Variants in LOXHD1 observed in about 807,000 individuals in gnomAD.
LOXHD1 encodes lipoxygenase homology domain-containing protein 1.
LOXHD1 carries 205 observed loss-of-function variants against 248.2 expected under a neutral mutation model. The observed-to-expected ratio is 0.83, with a 90% CI of 0.74 to 0.93. LOXHD1 has a LOEUF of 0.93. Ranked by LOEUF, LOXHD1 falls within the 40% of genes least tolerant of loss-of-function variation. The pLI is 0.00. For missense variants in LOXHD1, 2,930 were observed against 2,971.6 expected, an observed-to-expected ratio of 0.99 and a Z score of 0.33; for synonymous variants, 1,113 against 1,162.8, an observed-to-expected ratio of 0.96 and a Z score of 0.87.
At chr18:46,565,189 G>A (rs552237317) in intron 17 of LOXHD1, among the ~76,000 whole-genome samples, 17 of 152,032 alleles carry the variant, frequency 1.1e-4, no homozygotes, top group Admixed American at 2.0e-4. Context: ...GCTTGAACCC[G>A]GGAGGAGGTT....
At chr18:46,560,048 T>TGCCGACC in intron 19 of LOXHD1, 35 bp downstream of exon 19, 2 of 1,226,298 alleles carry the variant, frequency 1.6e-6, no homozygotes, top group Non-Finnish European at 2.3e-6. Context: ...GTCTGGCCAC[T>TGCCGACC]CCCTCCCCAC....
intron 1 of LOXHD1, among the ~76,000 whole-genome samples, chr18:46,653,930 G>A (rs2144410461): frequency 6.6e-6 from 1 of 152,332 alleles, no homozygotes; most frequent in East Asian, 1.9e-4. Context: ...ACAGTTGCAT[G>A]AAAAGATAGG....
chr18:46,581,616 G>A (rs1212503420), intron 12 of LOXHD1, among the ~76,000 whole-genome samples: 1 of 151,982 alleles, frequency 6.6e-6, no homozygotes, highest in Non-Finnish European at 1.5e-5. Context: ...ATATAGACAA[G>A]GACTGAAAGA....
rs1224789132 is a variant in LOXHD1 at position 46,529,358 on chromosome 18, A to T, written c.4376-27T>A. On this transcript the variant is annotated intron_variant, in intron 28 of 40. Coordinates refer to ENST00000642948, the MANE Select transcript of LOXHD1 (RefSeq NM_001384474.1). ...TGGGCAGGTGGTGGGACAGACAGACAGACAAAGGGAAGAAAAGGGTGACAG... is the reference window on the plus strand; with the variant it reads ...TGGGCAGGTGGTGGGACAGACAGACTGACAAAGGGAAGAAAAGGGTGACAG... The T allele has an allele frequency of 2.6e-6, 4 of 1,515,740 alleles. No homozygotes were observed. In the African/African-American group the frequency reaches 5.5e-5, roughly 21 times the overall value. The allele number at this position is 1,515,740 out of a possible 1,614,324, so 93.9% of individuals were successfully genotyped here.
intron 31 of LOXHD1, among the ~76,000 whole-genome samples, chr18:46,522,779 G>T (rs1243789035): frequency 6.6e-6 from 1 of 152,172 alleles, no homozygotes; most frequent in Non-Finnish European, 1.5e-5. Context: ...GTGAATGAAA[G>T]TCCTAGAAGA....
At chr18:46,515,692 T>G (rs1159216892) in intron 34 of LOXHD1, among the ~76,000 whole-genome samples, 3 of 152,170 alleles carry the variant, frequency 2.0e-5, no homozygotes, top group Admixed American at 6.5e-5. Flanking sequence ...GGGTAGAGAT[T>G]AGAGTCACAG....
rs370538111 is a variant in LOXHD1 at position 46,522,137 on chromosome 18, G to A, written c.5049C>T (p.Val1683=). The A allele has an allele frequency of 4.4e-5, 68 of 1,551,238 alleles. No individual in the cohort carries two copies. The African/African-American group carries it at 5.3e-4, about 12-fold the overall frequency. ...TGATGATGCCCACATCCAAGCCTGC[G>A]ACGTAGAACTCCTCCACAGAGCCAC... The part of the protein sequence containing the change: ...FSRGSVEEFY[V]AGLDVGIIKK... The change falls in exon 32 of 41, where the codon GTC becomes GTT. Residue 1683 remains valine (V), a synonymous_variant. Transcript: ENST00000642948.
At chr18:46,645,854 T>A (rs1188147258) in intron 2 of LOXHD1, among the ~76,000 whole-genome samples, 3 of 150,984 alleles carry the variant, frequency 2.0e-5, no homozygotes, top group African/African-American at 7.3e-5. Flanking sequence ...ATGACAAGAA[T>A]TGAGGGGTGA....
intron 5 of LOXHD1, among the ~76,000 whole-genome samples, chr18:46,613,764 T>C (rs1451650728): frequency 6.6e-6 from 1 of 152,194 alleles, no homozygotes; most frequent in Non-Finnish European, 1.5e-5. Flanking sequence ...AAGTAAATAA[T>C]GCAAATTTTC....
At chr18:46,617,754 G>T (rs1234882194) in intron 5 of LOXHD1, among the ~76,000 whole-genome samples, 1 of 152,138 alleles carries the variant, frequency 6.6e-6, no homozygotes, top group East Asian at 1.9e-4. Flanking sequence ...TTCCCTGTGA[G>T]GCCAAGTCAA....
chr18:46,523,290 T>C (rs778544440), intron 31 of LOXHD1, among the ~76,000 whole-genome samples: 1 of 152,164 alleles, frequency 6.6e-6, no homozygotes, highest in Non-Finnish European at 1.5e-5. Context: ...GGAGGAGTAC[T>C]CTTTTTTTCC....
In LOXHD1 at chr18:46,624,827, C is replaced by T. The variant is rs2038718355; in HGVS notation, c.512-6537G>A. Among the ~76,000 whole-genome samples the T allele has an allele frequency of 3.9e-5, 6 of 152,120 alleles. 2 individuals are homozygous for T. In the South Asian group the frequency reaches 1.2e-3, roughly 32 times the overall value. ...CTCCCTTCTCCCTTTCTTCTTCTGT[C>T]TTTTCTCCCTCTCACTGTCTTACAA... On this transcript the variant is annotated intron_variant, in intron 4 of 40. Transcript: ENST00000642948.
At position 46,559,540 on chromosome 18, in the gene LOXHD1, C is replaced by T. The variant is rs558768319; in HGVS notation, c.3124G>A (p.Val1042Ile). Residue 1042 changes from valine to isoleucine, a missense_variant, in exon 20 of 41, where the codon GTC (valine) becomes ATC (isoleucine). By Grantham distance (29) the Val-to-Ile change is conservative (BLOSUM62 3). Transcript: ENST00000642948. ...TCCTCGCCGTAGATGGTTAGGTAGA[C>T]GTTAGCATCAGTGCCGGCCTTGGGC... is the stretch of plus-strand genomic sequence containing the variant. ...NVPKAGTDAN[V>I]YLTIYGEEYG... 4.6e-5 allele frequency: 72 copies of T among 1,551,990 alleles called. No homozygotes were observed. In the Admixed American group the frequency reaches 8.2e-4, roughly 18 times the overall value.
intron 39 of LOXHD1, among the ~76,000 whole-genome samples, chr18:46,484,565 CTGT>C (rs2032873573): frequency 6.6e-6 from 1 of 152,154 alleles, no homozygotes; most frequent in African/African-American, 2.4e-5. Context: ...AAATACATTT[CTGT>C]TGTTTCTAAG....
chr18:46,602,910 T>C (rs2038360208), intron 7 of LOXHD1, among the ~76,000 whole-genome samples: 1 of 152,210 alleles, frequency 6.6e-6, no homozygotes, highest in Non-Finnish European at 1.5e-5. Flanking sequence ...GCTCTTCTTC[T>C]ACCACTAGGA....
chr18:46,618,731 C>T (rs2038625888), intron 4 of LOXHD1, among the ~76,000 whole-genome samples: 1 of 152,206 alleles, frequency 6.6e-6, no homozygotes, highest in African/African-American at 2.4e-5. Flanking sequence ...ATCTCCTCTG[C>T]CTTTCCCAGT....
At chr18:46,589,755 C>A (rs2038131502) in intron 12 of LOXHD1, among the ~76,000 whole-genome samples, 1 of 152,024 alleles carries the variant, frequency 6.6e-6, no homozygotes, top group South Asian at 2.1e-4. Context: ...GTCCTAACTC[C>A]CCAATAACTC....
rs901771544 is a variant in LOXHD1, at chr18:46,579,625, C to T, written c.1809+5G>A. ...GGATGAGTGGGGCACATTGCTGTAA[C>T]TTACATTGCCCTTTTCAAACAGGTC... On this transcript the variant is annotated splice_donor_5th_base_variant and intron_variant, in intron 13 of 40. Transcript: ENST00000642948. 7 of 1,551,720 alleles carry T rather than the reference C, an allele frequency of 4.5e-6. No individual in the cohort carries two copies. The highest frequency in any genetic ancestry group is 3.9e-5 in the Admixed American group (2 of 51,006).
At position 46,518,176 on chromosome 18, in the gene LOXHD1, G is replaced by A; in HGVS notation, c.5352C>T (p.Gly1784=). Residue 1784 remains glycine, a synonymous_variant, in exon 34 of 41, where the codon GGC becomes GGT. Transcript: ENST00000642948. ...GCATCTCCTCTGTGCTCCCGTTGAT[G>A]CCGTAGAGGGTCATGAAGATGTTGG... is the stretch of plus-strand genomic sequence containing the variant. ...TDSNIFMTLY[G]INGSTEEMQL... is the part of the protein sequence containing the mutation. 1.3e-6 allele frequency: 2 copies of A among 1,551,650 alleles called. No individual in the cohort carries two copies. The highest frequency in any genetic ancestry group is 2.0e-5 in the Admixed American group (1 of 51,004).
Sources: allele counts gnomAD v4.1 joint callset (sites outside exome capture counted in the v4.1 genomes callset), GRCh38; gene constraint gnomAD v4.1.1; transcripts MANE v1.5; gene names NCBI Gene and HGNC (gene_info 2026-07-23, HGNC 2026-07-21).